The following TRPC4 variants were observed in gnomAD, a reference collection of about 807,000 sequenced individuals.
TRPC4 encodes the protein short transient receptor potential channel 4.
Under a neutral mutation model 99.4 loss-of-function variants are expected in TRPC4, and 49 were observed. That is an observed-to-expected ratio of 0.49 (90% confidence interval 0.39 to 0.63). The LOEUF is 0.63. Among genes scored for constraint, TRPC4 ranks in the 20% least tolerant of loss-of-function variants. The pLI is 0.00. For missense variants in TRPC4, 898 were observed against 1,152.9 expected (o/e 0.78, Z 3.20); for synonymous variants, 454 against 425.9 (o/e 1.07, Z -0.81).
rs955574805 is a variant in TRPC4, at chr13:37,636,146, A to G, written c.*757T>C. On this transcript the variant is annotated 3_prime_UTR_variant, in exon 11 of 11. Transcript: ENST00000379705. Reference sequence around the variant, plus strand: ...TTTTGAAATTCAGTTATTCATAAAGACTCATATTTATACTGATAAGCAGTT... The same window carrying G: ...TTTTGAAATTCAGTTATTCATAAAGGCTCATATTTATACTGATAAGCAGTT... Among the ~76,000 whole-genome samples, 2 of 152,054 alleles carry G rather than the reference A, an allele frequency of 1.3e-5. No individual in the cohort carries two copies. The highest frequency in any genetic ancestry group is 2.9e-5 in the Non-Finnish European group (2 of 67,992).
At chr13:37,825,429 T>C (rs1340645777) in intron 1 of TRPC4, among the ~76,000 whole-genome samples, 2 of 152,088 alleles carry the variant, frequency 1.3e-5, no homozygotes, top group Non-Finnish European at 2.9e-5. Context: ...AATTTCCCTC[T>C]ACACACTGCT....
intron 2 of TRPC4, among the ~76,000 whole-genome samples, chr13:37,764,617 AGCTCAT>A (rs1256585184): frequency 6.6e-6 from 1 of 151,396 alleles, no homozygotes; most frequent in Non-Finnish European, 1.5e-5. Flanking sequence ...ATAATGAGAA[AGCTCAT>A]TTTACGGATA....
intron 4 of TRPC4, among the ~76,000 whole-genome samples, chr13:37,689,654 G>A (rs2138863672): frequency 6.6e-6 from 1 of 152,264 alleles, no homozygotes; most frequent in African/African-American, 2.4e-5. Flanking sequence ...TATACCTCAT[G>A]TAATCATTTA....
At position 37,637,533 on chromosome 13, in the gene TRPC4, C is replaced by G; in HGVS notation, c.2304G>C (p.Ser768=). The G allele has an allele frequency of 6.2e-7, 1 of 1,613,642 alleles. No individual in the cohort carries two copies. Among genetic ancestry groups the G allele is most frequent in the Non-Finnish European group, 8.5e-7 (1 of 1,179,712 alleles). ...KLSTIQSANA[S]KESSNSADSD... ...AGTCTGCCGAATTTGAAGACTCCTTCGAGGCATTCGCAGATTGTATTGTGG... is the reference window on the plus strand; with the variant it reads ...AGTCTGCCGAATTTGAAGACTCCTTGGAGGCATTCGCAGATTGTATTGTGG... Residue 768 remains serine (S), a synonymous_variant, in exon 11 of 11, where the codon TCG becomes TCC. Coordinates refer to ENST00000379705, the MANE Select transcript of TRPC4 (RefSeq NM_016179.4).
At chr13:37,812,384 A>T (rs1338770952) in intron 1 of TRPC4, among the ~76,000 whole-genome samples, 3 of 151,924 alleles carry the variant, frequency 2.0e-5, no homozygotes, top group Non-Finnish European at 4.4e-5. Context: ...AATTTAATGA[A>T]TCTAAACTCA....
At chr13:37,809,389 G>C (rs2139465672) in intron 1 of TRPC4, among the ~76,000 whole-genome samples, 1 of 151,132 alleles carries the variant, frequency 6.6e-6, no homozygotes, top group South Asian at 2.1e-4. Flanking sequence ...CTTTTTTGCA[G>C]TGACTCTTTT....
chr13:37,814,359 G>A (rs1158605404), intron 1 of TRPC4, among the ~76,000 whole-genome samples: 1 of 151,532 alleles, frequency 6.6e-6, no homozygotes. Flanking sequence ...AGGTATCAAA[G>A]TAGAAAAGAA....
intron 1 of TRPC4, among the ~76,000 whole-genome samples, chr13:37,812,384 A>G (rs1338770952): frequency 1.3e-5 from 2 of 151,924 alleles, no homozygotes; most frequent in African/African-American, 4.8e-5. Flanking sequence ...AATTTAATGA[A>G]TCTAAACTCA....
chr13:37,835,079 C>T (rs879924995), intron 1 of TRPC4, among the ~76,000 whole-genome samples: 8 of 150,780 alleles, frequency 5.3e-5, no homozygotes, highest in Non-Finnish European at 2.9e-5. Flanking sequence ...TGCATATTGT[C>T]GATGGAAGAA....
rs145553735 is a variant in TRPC4, at chr13:37,808,199, C to CA, written c.-27-24840dup. Among the ~76,000 whole-genome samples, 1,278 of 149,574 alleles carry CA rather than the reference C, an allele frequency of 8.5e-3. 28 individuals are homozygous for CA. In the East Asian group the frequency reaches 0.1, roughly 12 times the overall value. ...GATATGTTCAAATGGTTCACTGAAGCAAAAAAAAGCCATGGTTCTTTAGAA... is the reference window on the plus strand; with the variant it reads ...GATATGTTCAAATGGTTCACTGAAGCAAAAAAAAAGCCATGGTTCTTTAGAA... On this transcript the variant is annotated intron_variant, in intron 1 of 10. Coordinates refer to ENST00000379705, the MANE Select transcript of TRPC4 (RefSeq NM_016179.4).
At chr13:37,769,540 T>C (rs1956490113) in intron 2 of TRPC4, among the ~76,000 whole-genome samples, 1 of 151,566 alleles carries the variant, frequency 6.6e-6, no homozygotes, top group Non-Finnish European at 1.5e-5. Context: ...ATTTATAATA[T>C]GTTTAGATTA....
At chr13:37,810,721 C>T (rs1957658524) in intron 1 of TRPC4, among the ~76,000 whole-genome samples, 1 of 151,996 alleles carries the variant, frequency 6.6e-6, no homozygotes. Context: ...TTGTGGGATG[C>T]TCTTTGGTAA....
At chr13:37,864,917 G>A (rs1959636789) in intron 1 of TRPC4, among the ~76,000 whole-genome samples, 1 of 151,714 alleles carries the variant, frequency 6.6e-6, no homozygotes, top group South Asian at 2.1e-4. Flanking sequence ...CAACAAAAAT[G>A]AAAAGCTTAC....
At chr13:37,712,232 G>A (rs115980419) in intron 3 of TRPC4, among the ~76,000 whole-genome samples, 1,714 of 152,204 alleles carry the variant, frequency 0.011, 28 homozygotes, top group African/African-American at 0.039. Context: ...TGACAAGTGG[G>A]CAGTCAACTG....
intron 1 of TRPC4, among the ~76,000 whole-genome samples, chr13:37,842,392 G>T (rs189635771): frequency 7.0e-6 from 1 of 141,906 alleles, no homozygotes; most frequent in East Asian, 2.1e-4. Context: ...AGTATAAATC[G>T]GGGGCAGATC....
intron 3 of TRPC4, among the ~76,000 whole-genome samples, chr13:37,710,975 T>C (rs1676143149): frequency 6.6e-6 from 1 of 151,986 alleles, no homozygotes; most frequent in Admixed American, 6.6e-5. Flanking sequence ...AAGGCTGATT[T>C]TGTACTTTAA....
At chr13:37,647,324 T>G (rs573669434) in intron 8 of TRPC4, among the ~76,000 whole-genome samples, 1 of 152,294 alleles carries the variant, frequency 6.6e-6, no homozygotes, top group African/African-American at 2.4e-5. Context: ...AGCTTGAATT[T>G]TCTGCTTCAA....
intron 6 of TRPC4, among the ~76,000 whole-genome samples, chr13:37,657,983 C>G (rs533399152): frequency 5.3e-5 from 8 of 152,180 alleles, no homozygotes; most frequent in African/African-American, 1.7e-4. Context: ...CTTAGTGTTT[C>G]TCAATGAATT....
intron 4 of TRPC4, among the ~76,000 whole-genome samples, chr13:37,678,395 A>G (rs1953129891): frequency 6.6e-6 from 1 of 152,084 alleles, no homozygotes; most frequent in African/African-American, 2.4e-5. Context: ...AAAAGATGAT[A>G]TAAATAATCA....
Sources: gnomAD v4.1 joint callset for allele counts (sites outside exome capture counted in the v4.1 genomes callset) on GRCh38, gnomAD v4.1.1 for gene constraint, MANE v1.5 for transcripts, NCBI Gene and HGNC (gene_info 2026-07-23, HGNC 2026-07-21) for gene names.